Variants in MTMR12 observed in about 807,000 individuals in gnomAD.
MTMR12 encodes myotubularin-related protein 12.
Under a neutral mutation model 96.7 loss-of-function variants are expected in MTMR12, and 33 were observed. The observed-to-expected ratio is 0.34, with a 90% CI of 0.26 to 0.46. The LOEUF is 0.46. Among genes scored for constraint, MTMR12 ranks in the 20% least tolerant of loss-of-function variants. The probability of loss-of-function intolerance (pLI) is 1.00; values close to 1 mark genes in which losing one functional copy is unlikely to be tolerated. For synonymous variants in MTMR12, 298 were observed against 327.2 expected, an observed-to-expected ratio of 0.91 and a Z score of 0.96; for missense variants, 721 against 896.1, an observed-to-expected ratio of 0.80 and a Z score of 2.49.
chr5:32,229,619 A>G lies in MTMR12; in HGVS notation c.*159T>C. The G allele has an allele frequency of 1.8e-6, 1 of 570,794 alleles. No homozygotes were observed. Among genetic ancestry groups the G allele is most frequent in the Non-Finnish European group, 2.8e-6 (1 of 358,760 alleles). 35.4% of individuals were successfully genotyped at this position (570,794 alleles called of 1,614,324 possible). ...ATTGCATAGTCTTTTAGAATCATGA[A>G]AAATAATGAGAGCCACCTCTTTTCC... On this transcript the variant is annotated 3_prime_UTR_variant, in exon 16 of 16. Coordinates refer to ENST00000382142, the MANE Select transcript of MTMR12 (RefSeq NM_001040446.3).
chr5:32,295,615 T>G (rs1020543067), intron 1 of MTMR12, among the ~76,000 whole-genome samples: 2 of 152,228 alleles, frequency 1.3e-5, no homozygotes, highest in African/African-American at 2.4e-5. Context: ...GATATATGCC[T>G]AAATTAAACA....
At chr5:32,244,934 C>T (rs1387120562) in intron 10 of MTMR12, among the ~76,000 whole-genome samples, 3 of 152,238 alleles carry the variant, frequency 2.0e-5, no homozygotes, top group Admixed American at 1.3e-4. Context: ...ACTCTCAACC[C>T]CCTCTAAAGA....
At chr5:32,304,043 C>T (rs1751253978) in intron 1 of MTMR12, among the ~76,000 whole-genome samples, 1 of 152,068 alleles carries the variant, frequency 6.6e-6, no homozygotes, top group Non-Finnish European at 1.5e-5. Context: ...CAACCATAGG[C>T]CGGGCGCAGT....
intron 11 of MTMR12, among the ~76,000 whole-genome samples, chr5:32,242,699 C>T (rs1435977109): frequency 1.3e-5 from 2 of 151,744 alleles, no homozygotes; most frequent in Non-Finnish European, 2.9e-5. Flanking sequence ...TCCCACACCC[C>T]GACTCTTCAT....
rs75000878 is a variant in MTMR12 at position 32,229,091 on chromosome 5, G to A, written c.*687C>T. ...CAGCGGCGAGTGGTGTGGAGCAGGC[G>A]GAGGAAGACCTGGGGCTGGCAGCAC... is the stretch of plus-strand genomic sequence containing the variant. On this transcript the variant is annotated 3_prime_UTR_variant, in exon 16 of 16. Coordinates refer to ENST00000382142, the MANE Select transcript of MTMR12 (RefSeq NM_001040446.3). 0.045 allele frequency: 6,873 copies of A among 152,548 alleles called. 196 individuals are homozygous for A. Among genetic ancestry groups the A allele is most frequent in the Middle Eastern group, 0.068 (20 of 294 alleles). 9.4% of individuals were successfully genotyped at this position (152,548 alleles called of 1,614,324 possible). A position where few individuals can be genotyped will look rare whatever the true frequency, so the allele number is the denominator to read the frequency against.
chr5:32,254,227 TC>T (rs1452344109), intron 8 of MTMR12, among the ~76,000 whole-genome samples: 4 of 152,222 alleles, frequency 2.6e-5, no homozygotes, highest in African/African-American at 9.6e-5. Context: ...GGTCTCAAGA[TC>T]CTTTCAGGTG....
chr5:32,255,833 C>G, intron 7 of MTMR12, 65 bp from the exon 8 acceptor site: 2 of 1,357,454 alleles, frequency 1.5e-6, no homozygotes, highest in Non-Finnish European at 2.1e-6. Flanking sequence ...GAAAGCTCAA[C>G]TTCAATGGAT....
At chr5:32,252,845 C>T (rs1488970721) in intron 8 of MTMR12, among the ~76,000 whole-genome samples, 1 of 151,954 alleles carries the variant, frequency 6.6e-6, no homozygotes, top group Non-Finnish European at 1.5e-5. Context: ...CTCTTAACAA[C>T]AAAAATAAGC....
At chr5:32,284,859 C>G (rs781355070) in intron 1 of MTMR12, among the ~76,000 whole-genome samples, 1 of 152,180 alleles carries the variant, frequency 6.6e-6, no homozygotes, top group African/African-American at 2.4e-5. Flanking sequence ...AAAAAACTAA[C>G]TCTGAAAATT....
chr5:32,263,718 G>A (rs942434663), intron 6 of MTMR12, among the ~76,000 whole-genome samples: 8 of 152,130 alleles, frequency 5.3e-5, no homozygotes, highest in African/African-American at 1.9e-4. Flanking sequence ...GATTACAGGA[G>A]TGAGCCATCG....
chr5:32,249,430 AT>A (rs1245271305), intron 8 of MTMR12, among the ~76,000 whole-genome samples: 5 of 152,208 alleles, frequency 3.3e-5, no homozygotes, highest in Admixed American at 3.3e-4. Context: ...ACTAGGAAGA[AT>A]GGAATGTTGG....
intron 13 of MTMR12, among the ~76,000 whole-genome samples, chr5:32,236,323 G>A (rs1748226254): frequency 6.6e-6 from 1 of 152,120 alleles, no homozygotes; most frequent in Admixed American, 6.5e-5. Context: ...TGAGGCAGAT[G>A]GATCGCCTGA....
intron 1 of MTMR12, among the ~76,000 whole-genome samples, chr5:32,297,757 G>T (rs563328738): frequency 3.2e-4 from 49 of 152,204 alleles, no homozygotes; most frequent in African/African-American, 9.9e-4. Context: ...ATTAAAGAAA[G>T]AAATAAATAA....
intron 13 of MTMR12, 77 bp from the exon 14 acceptor site, chr5:32,235,206 C>A: frequency 7.2e-7 from 1 of 1,397,740 alleles, no homozygotes; most frequent in Non-Finnish European, 9.7e-7. Flanking sequence ...GCAGCCACCT[C>A]AACAGCTGTG....
chr5:32,299,935 A>C, intron 1 of MTMR12, among the ~76,000 whole-genome samples: 1 of 152,080 alleles, frequency 6.6e-6, no homozygotes, highest in East Asian at 1.9e-4. Flanking sequence ...GACCTTTCCA[A>C]GTCCTACACA....
intron 5 of MTMR12, among the ~76,000 whole-genome samples, chr5:32,269,460 C>T (rs959266122): frequency 2.6e-5 from 4 of 151,818 alleles, no homozygotes; most frequent in East Asian, 1.9e-4. Flanking sequence ...TGCGCCACCA[C>T]GCCCGGCTAA....
chr5:32,297,736 A>G lies in MTMR12; in HGVS notation c.81+15022T>C, dbSNP rs146920397. 4.1e-3 allele frequency among the ~76,000 whole-genome samples: 619 copies of G among 152,328 alleles called. 4 individuals are homozygous for G. Among genetic ancestry groups the G allele is most frequent in the African/African-American group, 0.013 (546 of 41,576 alleles). ...CTTTAAACAATCCCAATACCTCATT[A>G]AACTCTCCCTATTAAAGAAAGAAAT... is the stretch of plus-strand genomic sequence containing the variant. On this transcript the variant is annotated intron_variant, in intron 1 of 15. Coordinates refer to ENST00000382142, the MANE Select transcript of MTMR12 (RefSeq NM_001040446.3).
intron 10 of MTMR12, among the ~76,000 whole-genome samples, chr5:32,244,698 T>C (rs1393806092): frequency 3.3e-5 from 5 of 152,232 alleles, no homozygotes; most frequent in Admixed American, 6.5e-5. Flanking sequence ...CTTGATTAAA[T>C]AGTAAACATG....
chr5:32,273,702 C>T (rs577979442), intron 3 of MTMR12, among the ~76,000 whole-genome samples: 3 of 152,062 alleles, frequency 2.0e-5, no homozygotes, highest in Non-Finnish European at 2.9e-5. Context: ...ATGAGAAGGA[C>T]TCCGTCCTTT....
Sources: gnomAD v4.1 joint callset for allele counts (sites outside exome capture counted in the v4.1 genomes callset) on GRCh38, gnomAD v4.1.1 for gene constraint, MANE v1.5 for transcripts, NCBI Gene and HGNC (gene_info 2026-07-23, HGNC 2026-07-21) for gene names.